The following RCSD1 variants were observed in gnomAD, a reference collection of about 807,000 sequenced individuals.
RCSD1 encodes the protein capZ-interacting protein.
In RCSD1, 26 loss-of-function variants were observed where a neutral mutation model predicts 42.5. The ratio of observed to expected loss-of-function variants is 0.61; its 90% confidence interval spans 0.45 to 0.85. The LOEUF (loss-of-function observed/expected upper bound fraction) is 0.85, where lower values mean the gene tolerates loss of function less well. RCSD1 is among the 40% of genes least tolerant of loss of function. RCSD1 has a pLI of 0.00. For synonymous variants in RCSD1, 220 were observed against 212.2 expected (o/e 1.04, Z -0.32); for missense variants, 571 against 528.3 (o/e 1.08, Z -0.79).
Position 167,705,735 on chromosome 1 carries a change from T to C in RCSD1, c.*1039T>C, listed in dbSNP as rs1024034585. 3 of 152,106 alleles carry C rather than the reference T, an allele frequency of 2.0e-5. No homozygotes were observed. Among genetic ancestry groups the C allele is most frequent in the African/African-American group, 7.2e-5 (3 of 41,402 alleles). 9.4% of individuals were successfully genotyped at this position (152,106 alleles called of 1,614,324 possible). ...TTCTGCCCAACACAAAAGGAGTGAG[T>C]TGGGGTCTTTAGTCTCTTCTTATTG... On this transcript the variant is annotated 3_prime_UTR_variant, in exon 7 of 7. Transcript: ENST00000367854.
Position 167,648,673 on chromosome 1 carries a change from GGGGAA to G in RCSD1, c.6+18246_6+18250del, listed in dbSNP as rs1255715865. On this transcript the variant is annotated intron_variant, in intron 1 of 6. Transcript: ENST00000367854. ...TTCCCGCTGGAGCAGCTGCAGATAG[GGGGAA>G]GTTACATACCAGTGATGGGGTGCGG... Among the ~76,000 whole-genome samples, 6 of 151,346 alleles carry G rather than the reference GGGGAA, an allele frequency of 4.0e-5. No individual in the cohort carries two copies. The East Asian group carries it at 1.2e-3, about 29-fold the overall frequency.
intron 1 of RCSD1, among the ~76,000 whole-genome samples, chr1:167,679,499 G>A (rs1423618778): frequency 6.6e-6 from 1 of 152,214 alleles, no homozygotes; most frequent in Admixed American, 6.5e-5. Context: ...GAGATTCTAT[G>A]GTGGTCTTTT....
At chr1:167,687,063 A>G (rs1268859739) in intron 3 of RCSD1, among the ~76,000 whole-genome samples, 3 of 152,234 alleles carry the variant, frequency 2.0e-5, no homozygotes, top group Non-Finnish European at 2.9e-5. Context: ...AAATGCATTC[A>G]CAGGTTTCAC....
chr1:167,658,456 C>T (rs1395878091), intron 1 of RCSD1, among the ~76,000 whole-genome samples: 1 of 152,248 alleles, frequency 6.6e-6, no homozygotes, highest in African/African-American at 2.4e-5. Flanking sequence ...GATGAAGTCT[C>T]GCTCTGTTGC....
Position 167,708,319 on chromosome 1 carries a change from G to A in RCSD1, c.*3623G>A, listed in dbSNP as rs1347781891. Among the ~76,000 whole-genome samples, 1 of 152,162 alleles carries A rather than the reference G, an allele frequency of 6.6e-6. No homozygotes were observed. The highest frequency in any genetic ancestry group is 2.1e-4 in the South Asian group (1 of 4,834). The stretch of plus-strand genomic sequence containing the variant: ...AAAAACAACAGCTGTTTCCCATAGG[G>A]CAAAACCTGAAACACCCAATTACTA... On this transcript the variant is annotated 3_prime_UTR_variant, in exon 7 of 7. Coordinates refer to ENST00000367854, the MANE Select transcript of RCSD1 (RefSeq NM_052862.4).
At chr1:167,654,858 A>G (rs1318860373) in intron 1 of RCSD1, among the ~76,000 whole-genome samples, 1 of 152,118 alleles carries the variant, frequency 6.6e-6, no homozygotes, top group Non-Finnish European at 1.5e-5. Flanking sequence ...TATAGAAGAC[A>G]GGACTAGGCT....
chr1:167,657,050 T>C (rs1387064544), intron 1 of RCSD1, among the ~76,000 whole-genome samples: 1 of 152,228 alleles, frequency 6.6e-6, no homozygotes, highest in Non-Finnish European at 1.5e-5. Context: ...ATCTCTATGC[T>C]TCCCTGTTAG....
chr1:167,668,178 G>T (rs187007230), intron 1 of RCSD1, among the ~76,000 whole-genome samples: 133 of 152,028 alleles, frequency 8.7e-4, no homozygotes, highest in Non-Finnish European at 1.6e-3. Context: ...CCAGCTACTC[G>T]GGAGGCTGCG....
At chr1:167,645,693 C>A (rs988550763) in intron 1 of RCSD1, among the ~76,000 whole-genome samples, 1 of 152,160 alleles carries the variant, frequency 6.6e-6, no homozygotes, top group Non-Finnish European at 1.5e-5. Context: ...AGGATGCCCA[C>A]GGGGAACTGT....
intron 6 of RCSD1, among the ~76,000 whole-genome samples, chr1:167,699,891 C>G (rs770124684): frequency 7.9e-5 from 12 of 152,218 alleles, no homozygotes; most frequent in African/African-American, 9.6e-5. Flanking sequence ...CAGATGGTCC[C>G]TTCTCACTGA....
chr1:167,684,696 G>A (rs1659179777), intron 2 of RCSD1, among the ~76,000 whole-genome samples: 1 of 152,114 alleles, frequency 6.6e-6, no homozygotes, highest in Non-Finnish European at 1.5e-5. Flanking sequence ...CCAACATGGA[G>A]AAACCCCGTC....
chr1:167,686,934 A>G (rs1311323517), intron 3 of RCSD1, among the ~76,000 whole-genome samples: 2 of 152,248 alleles, frequency 1.3e-5, no homozygotes, highest in Non-Finnish European at 1.5e-5. Flanking sequence ...AATTGAGGAC[A>G]AAATCACTAA....
chr1:167,642,745 G>A (rs879420138), intron 1 of RCSD1, among the ~76,000 whole-genome samples: 1 of 152,156 alleles, frequency 6.6e-6, no homozygotes, highest in Non-Finnish European at 1.5e-5. Context: ...CTTGGTGAAA[G>A]GGAATCTATG....
At chr1:167,639,061 C>CA (rs1308443280) in intron 1 of RCSD1, among the ~76,000 whole-genome samples, 6 of 151,982 alleles carry the variant, frequency 3.9e-5, no homozygotes, top group Non-Finnish European at 8.8e-5. Context: ...ACTAAAAATA[C>CA]AAAAAATTAG....
At chr1:167,658,568 G>A (rs2102212292) in intron 1 of RCSD1, among the ~76,000 whole-genome samples, 1 of 152,142 alleles carries the variant, frequency 6.6e-6, no homozygotes, top group African/African-American at 2.4e-5. Context: ...TGGGATTACA[G>A]GCACGTGCCA....
chr1:167,695,393 A>G (rs1659474407), intron 5 of RCSD1, among the ~76,000 whole-genome samples: 1 of 152,252 alleles, frequency 6.6e-6, no homozygotes, highest in South Asian at 2.1e-4. Flanking sequence ...GAGCTGGCCC[A>G]ATCATGGTCT....
In RCSD1 at chr1:167,635,055, A is replaced by G. The variant is rs566994666; in HGVS notation, c.6+4626A>G. On this transcript the variant is annotated intron_variant, in intron 1 of 6. Coordinates refer to ENST00000367854, the MANE Select transcript of RCSD1 (RefSeq NM_052862.4). ...TACTTCAGTAAACATTTTCTACCAC[A>G]TTTTTTAAAATTATGGGACTAGGAG... Among the ~76,000 whole-genome samples the G allele has an allele frequency of 9.2e-5, 14 of 152,146 alleles. No individual in the cohort carries two copies. In the South Asian group the frequency reaches 2.9e-3, roughly 32 times the overall value.
At chr1:167,686,743 C>T (rs535571844) in intron 3 of RCSD1, among the ~76,000 whole-genome samples, 1 of 152,246 alleles carries the variant, frequency 6.6e-6, no homozygotes, top group African/African-American at 2.4e-5. Flanking sequence ...CCAACAACCT[C>T]TCTTTCCAGA....
chr1:167,704,966 A>T lies in RCSD1; in HGVS notation c.*270A>T. ...TTGGTTCAACAACAAGAACTTACTT[A>T]AAACAATGTACTGTGGTGATGAGTC... On this transcript the variant is annotated 3_prime_UTR_variant, in exon 7 of 7. Transcript: ENST00000367854. The T allele has an allele frequency of 2.4e-6, 1 of 420,496 alleles. No homozygotes were observed. Among genetic ancestry groups the T allele is most frequent in the Non-Finnish European group, 4.5e-6 (1 of 223,522 alleles). 26.0% of individuals were successfully genotyped at this position (420,496 alleles called of 1,614,324 possible).
Sources: gnomAD v4.1 joint callset for allele counts (sites outside exome capture counted in the v4.1 genomes callset) on GRCh38, gnomAD v4.1.1 for gene constraint, MANE v1.5 for transcripts, NCBI Gene and HGNC (gene_info 2026-07-23, HGNC 2026-07-21) for gene names.